The following NCAM2 variants were observed in gnomAD, a reference collection of about 807,000 sequenced individuals.
NCAM2 encodes the protein N-CAM-2.
NCAM2 carries 30 observed loss-of-function variants against 98.1 expected under a neutral mutation model. The ratio of observed to expected loss-of-function variants is 0.31; its 90% confidence interval spans 0.23 to 0.41. NCAM2 has a LOEUF of 0.41. Among genes scored for constraint, NCAM2 ranks in the 10% least tolerant of loss-of-function variants. NCAM2 has a pLI of 1.00. For missense variants in NCAM2, 867 were observed against 1,005.8 expected (o/e 0.86, Z 1.87); for synonymous variants, 368 against 342.4 (o/e 1.07, Z -0.83).
chr21:21,146,227 T>G (rs1182587144), intron 1 of NCAM2, among the ~76,000 whole-genome samples: 1 of 152,054 alleles, frequency 6.6e-6, no homozygotes, highest in Non-Finnish European at 1.5e-5. Flanking sequence ...ACAAATACAC[T>G]TTAAGAAAAT....
chr21:21,276,967 G>A (rs995406027), intron 1 of NCAM2, among the ~76,000 whole-genome samples: 1 of 151,906 alleles, frequency 6.6e-6, no homozygotes, highest in Non-Finnish European at 1.5e-5. Context: ...TTATTAAAAT[G>A]AATTAAGATC....
In NCAM2 at chr21:21,405,135, TA is replaced by T. The variant is rs1224642680; in HGVS notation, c.1196-5138del. ...ACTTACTATTTTTAGACTATCAAGA[TA>T]TTTTTGCAGTCATGTTTAGTATTTT... On this transcript the variant is annotated intron_variant, in intron 9 of 17. Transcript: ENST00000400546. Among the ~76,000 whole-genome samples, 3 of 152,102 alleles carry T rather than the reference TA, an allele frequency of 2.0e-5. No homozygotes were observed. The East Asian group carries it at 5.8e-4, about 29-fold the overall frequency.
chr21:21,078,998 A>G (rs2065737888), intron 1 of NCAM2, among the ~76,000 whole-genome samples: 3 of 152,078 alleles, frequency 2.0e-5, no homozygotes, highest in Admixed American at 2.0e-4. Context: ...GACCATATGG[A>G]AACAGAGAGG....
chr21:21,511,971 G>C (rs9979578), intron 16 of NCAM2, among the ~76,000 whole-genome samples: 5 of 151,766 alleles, frequency 3.3e-5, no homozygotes, highest in African/African-American at 9.7e-5. Flanking sequence ...TGTTTTGTTT[G>C]AGATGCTCGT....
intron 1 of NCAM2, among the ~76,000 whole-genome samples, chr21:21,200,622 A>G (rs1044289635): frequency 6.7e-6 from 1 of 149,270 alleles, no homozygotes; most frequent in Non-Finnish European, 1.5e-5. Flanking sequence ...GACTATAAAC[A>G]TTTTTTTTTT....
chr21:21,186,302 C>T (rs1377019947), intron 1 of NCAM2, among the ~76,000 whole-genome samples: 1 of 151,598 alleles, frequency 6.6e-6, no homozygotes, highest in East Asian at 1.9e-4. Context: ...TTTGATTTGG[C>T]CAGAAAATTA....
At chr21:21,012,704 G>A (rs2146144908) in intron 1 of NCAM2, among the ~76,000 whole-genome samples, 1 of 152,120 alleles carries the variant, frequency 6.6e-6, no homozygotes, top group East Asian at 1.9e-4. Context: ...CACAGATACT[G>A]CATTTTTTTT....
At chr21:21,286,030 A>G (rs1047434340) in intron 3 of NCAM2, among the ~76,000 whole-genome samples, 1 of 151,886 alleles carries the variant, frequency 6.6e-6, no homozygotes, top group African/African-American at 2.4e-5. Context: ...AGTTGAGGAG[A>G]TACACTCCAG....
intron 4 of NCAM2, among the ~76,000 whole-genome samples, chr21:21,288,652 A>G (rs2073186250): frequency 6.6e-6 from 1 of 151,944 alleles, no homozygotes; most frequent in African/African-American, 2.4e-5. Context: ...TTGTACATTT[A>G]TAATAGACTT....
rs34019227 is a variant in NCAM2, at chr21:21,200,409, G to GAAA, written c.56-80155_56-80153dup. ...TTCCAAGTAAGACAACCCCATGCCT[G>GAAA]AAAAAAAAAAAAAAAAGCCTTGAAA... On this transcript the variant is annotated intron_variant, in intron 1 of 17. Transcript: ENST00000400546. Among the ~76,000 whole-genome samples, 120 of 134,390 alleles carry GAAA rather than the reference G, an allele frequency of 8.9e-4. 2 individuals carry two copies. Among genetic ancestry groups the GAAA allele is most frequent in the African/African-American group, 1.4e-3 (47 of 33,420 alleles). 88.2% of individuals were successfully genotyped at this position (134,390 alleles called of 152,430 possible).
intron 3 of NCAM2, among the ~76,000 whole-genome samples, chr21:21,285,644 C>T (rs1354345381): frequency 3.3e-5 from 5 of 151,878 alleles, no homozygotes; most frequent in African/African-American, 1.2e-4. Context: ...GTGAGAATTT[C>T]TCATCAAGCA....
At chr21:21,441,921 C>T (rs2826842) in intron 12 of NCAM2, among the ~76,000 whole-genome samples, 70,483 of 151,908 alleles carry the variant, frequency 0.46, 17,001 homozygotes, top group African/African-American at 0.59. Context: ...ATGTAATGAA[C>T]ATGACCTGGC....
At chr21:21,496,239 G>C (rs762552911) in intron 15 of NCAM2, among the ~76,000 whole-genome samples, 1 of 151,812 alleles carries the variant, frequency 6.6e-6, no homozygotes, top group African/African-American at 2.4e-5. Context: ...CATCAACAAT[G>C]TATAAGCATT....
intron 16 of NCAM2, among the ~76,000 whole-genome samples, chr21:21,509,798 T>A (rs1988245559): frequency 6.6e-6 from 1 of 152,162 alleles, no homozygotes; most frequent in African/African-American, 2.4e-5. Flanking sequence ...AAGTAGAATA[T>A]GATCAATGCA....
chr21:21,381,528 GCGA>G (rs1472272757), intron 9 of NCAM2, among the ~76,000 whole-genome samples: 1 of 151,724 alleles, frequency 6.6e-6, no homozygotes, highest in Non-Finnish European at 1.5e-5. Flanking sequence ...TTTGTTTTAA[GCGA>G]TTCTATAGGA....
chr21:21,374,356 A>G (rs1341533373), intron 9 of NCAM2, among the ~76,000 whole-genome samples: 6 of 151,898 alleles, frequency 4.0e-5, no homozygotes, highest in African/African-American at 1.4e-4. Context: ...TATAATATTT[A>G]TGATTATGTC....
In NCAM2 at chr21:21,450,903, GT is replaced by G. The variant is rs529571845; in HGVS notation, c.1655-15701del. On this transcript the variant is annotated intron_variant, in intron 12 of 17. Coordinates refer to ENST00000400546, the MANE Select transcript of NCAM2 (RefSeq NM_004540.5). ...AGAATACACAGTAGAAGTAGCACAT[GT>G]TACACACAGGTTAAATGCTGCTTTT... Among the ~76,000 whole-genome samples, 195 of 151,646 alleles carry G rather than the reference GT, an allele frequency of 1.3e-3. 2 individuals carry two copies. Among genetic ancestry groups the G allele is most frequent in the African/African-American group, 4.6e-3 (189 of 41,322 alleles).
rs7276073 is a variant in NCAM2, at chr21:21,500,721, G to A, written c.2078-8130G>A. 9.0e-3 allele frequency among the ~76,000 whole-genome samples: 1,363 copies of A among 152,046 alleles called. 31 individuals carry two copies. The highest frequency in any genetic ancestry group is 0.031 in the African/African-American group (1,294 of 41,490). On this transcript the variant is annotated intron_variant, in intron 15 of 17. Coordinates refer to ENST00000400546, the MANE Select transcript of NCAM2 (RefSeq NM_004540.5). ...GTTTAACTGAGAGAAGTCTATCAAA[G>A]TCCAAACATGAATCTTAACTCATTT... is the stretch of plus-strand genomic sequence containing the variant.
At chr21:21,191,261 C>T (rs1021742113) in intron 1 of NCAM2, among the ~76,000 whole-genome samples, 4 of 152,066 alleles carry the variant, frequency 2.6e-5, no homozygotes, top group African/African-American at 4.8e-5. Context: ...TGAGAATTTT[C>T]AAAGTGACAA....
Sources: allele counts gnomAD v4.1 joint callset (sites outside exome capture counted in the v4.1 genomes callset), GRCh38; gene constraint gnomAD v4.1.1; transcripts MANE v1.5; gene names NCBI Gene and HGNC (gene_info 2026-07-23, HGNC 2026-07-21).